Variants in C12orf54 observed in about 807,000 individuals in gnomAD.
The protein encoded by C12orf54 is chromosome 12 open reading frame 54.
C12orf54 carries 24 observed loss-of-function variants against 26.4 expected under a neutral mutation model. The observed-to-expected ratio is 0.91, with a 90% CI of 0.66 to 1.28. The LOEUF is 1.28. Among genes scored for constraint, C12orf54 ranks in the 50% most tolerant of loss-of-function variants. C12orf54 has a pLI of 0.00. For missense variants in C12orf54, 154 were observed against 150.9 expected (o/e 1.02, Z -0.11); for synonymous variants, 54 against 47.0 (o/e 1.15, Z -0.61).
the C12orf54 span, among the ~76,000 whole-genome samples, chr12:48,415,740 A>T: frequency 2.0e-5 from 3 of 151,980 alleles, no homozygotes; most frequent in Non-Finnish European, 4.4e-5. Flanking sequence ...TGAATACTCC[A>T]TACACCCCAT....
the C12orf54 span, among the ~76,000 whole-genome samples, chr12:48,460,378 G>T: frequency 1.3e-5 from 2 of 151,922 alleles, no homozygotes; most frequent in Admixed American, 1.3e-4. Context: ...TAAGGCTTTT[G>T]GAGACATATA....
At chr12:48,439,660 C>T in the C12orf54 span, among the ~76,000 whole-genome samples, 1 of 152,146 alleles carries the variant, frequency 6.6e-6, no homozygotes, top group Non-Finnish European at 1.5e-5. Context: ...AAAAACCAAA[C>T]ACCGCATGTT....
chr12:48,418,246 G>C, the C12orf54 span, among the ~76,000 whole-genome samples: 7 of 152,216 alleles, frequency 4.6e-5, no homozygotes, highest in African/African-American at 1.7e-4. Context: ...GGCAGGAATT[G>C]TAGTGTCTGG....
chr12:48,421,097 A>G, the C12orf54 span, among the ~76,000 whole-genome samples: 1 of 152,120 alleles, frequency 6.6e-6, no homozygotes, highest in Non-Finnish European at 1.5e-5. Flanking sequence ...TCTGTATGTC[A>G]TATTAGTCCA....
At chr12:48,474,571 A>G in the C12orf54 span, among the ~76,000 whole-genome samples, 1 of 152,180 alleles carries the variant, frequency 6.6e-6, no homozygotes, top group African/African-American at 2.4e-5. Flanking sequence ...ATGGGCTTAA[A>G]AAAAGCACAC....
chr12:48,454,951 T>C, the C12orf54 span, among the ~76,000 whole-genome samples: 1 of 152,162 alleles, frequency 6.6e-6, no homozygotes, highest in African/African-American at 2.4e-5. Context: ...TCCTTTTGGG[T>C]TTGTTTTTCC....
At chr12:48,434,596 C>T in the C12orf54 span, among the ~76,000 whole-genome samples, 1 of 152,180 alleles carries the variant, frequency 6.6e-6, no homozygotes. Context: ...GCAGCATTTG[C>T]GGTTCACCAA....
chr12:48,468,911 G>C, the C12orf54 span, among the ~76,000 whole-genome samples: 3 of 151,986 alleles, frequency 2.0e-5, no homozygotes, highest in Non-Finnish European at 2.9e-5. Context: ...ATCACATGTC[G>C]GCAGGTTCCA....
At chr12:48,493,673 T>TAAATAAAATTAATGAAAGTTAATTTTCAA (rs1937843045) in intron 7 of C12orf54, among the ~76,000 whole-genome samples, 1 of 135,700 alleles carries the variant, frequency 7.4e-6, no homozygotes, top group African/African-American at 2.9e-5. Context: ...AAGAAAGTTA[T>TAAATAAAATTAATGAAAGTTAATTTTCAA]AAAGAAAATT....
chr12:48,424,009 T>G, the C12orf54 span, among the ~76,000 whole-genome samples: 6 of 152,138 alleles, frequency 3.9e-5, no homozygotes, highest in African/African-American at 1.4e-4. Context: ...GTTAAGGGTG[T>G]TCTCATCTAT....
At chr12:48,493,278 G>T (rs1030914074) in intron 7 of C12orf54, among the ~76,000 whole-genome samples, 1 of 152,138 alleles carries the variant, frequency 6.6e-6, no homozygotes, top group Non-Finnish European at 1.5e-5. Flanking sequence ...TCAATTGAGG[G>T]AATAAGGGAA....
chr12:48,467,818 C>T, the C12orf54 span, among the ~76,000 whole-genome samples: 1 of 152,040 alleles, frequency 6.6e-6, no homozygotes, highest in Non-Finnish European at 1.5e-5. Flanking sequence ...CAATAAAGTT[C>T]TTGAAAATAT....
chr12:48,445,507 T>C, the C12orf54 span, among the ~76,000 whole-genome samples: 1 of 152,162 alleles, frequency 6.6e-6, no homozygotes, highest in Non-Finnish European at 1.5e-5. Context: ...AGGGTTCTTT[T>C]TGAGTCACAA....
chr12:48,435,067 G>T, the C12orf54 span, among the ~76,000 whole-genome samples: 1 of 152,284 alleles, frequency 6.6e-6, no homozygotes, highest in East Asian at 1.9e-4. Flanking sequence ...AATCCTTAAA[G>T]GACCTGATGG....
the C12orf54 span, among the ~76,000 whole-genome samples, chr12:48,427,495 GT>G: frequency 6.6e-6 from 1 of 151,880 alleles, no homozygotes; most frequent in African/African-American, 2.4e-5. Context: ...TTTGTCAAGG[GT>G]TTTTGCATCA....
At chr12:48,431,056 CA>C in the C12orf54 span, among the ~76,000 whole-genome samples, 163 of 152,230 alleles carry the variant, frequency 1.1e-3, 1 homozygote, top group South Asian at 2.5e-3. Context: ...AATGGAAAAC[CA>C]AACATTGTAT....
At chr12:48,447,794 T>A in the C12orf54 span, among the ~76,000 whole-genome samples, 3 of 152,178 alleles carry the variant, frequency 2.0e-5, no homozygotes, top group Non-Finnish European at 4.4e-5. Context: ...AATAGGGAGA[T>A]TATCTTGGAT....
At chr12:48,491,104 T>C (rs1228789921) in intron 6 of C12orf54, among the ~76,000 whole-genome samples, 1 of 152,234 alleles carries the variant, frequency 6.6e-6, no homozygotes, top group Non-Finnish European at 1.5e-5. Context: ...TCCAGCTCAA[T>C]TGCCTCGTGT....
the C12orf54 span, among the ~76,000 whole-genome samples, chr12:48,433,284 C>A: frequency 2.6e-5 from 4 of 152,262 alleles, no homozygotes; most frequent in South Asian, 8.3e-4. Flanking sequence ...CTAGGCTCAC[C>A]AGGAAGGAAA....
Sources: allele counts gnomAD v4.1 joint callset (sites outside exome capture counted in the v4.1 genomes callset), GRCh38; gene constraint gnomAD v4.1.1; transcripts MANE v1.5; gene names NCBI Gene and HGNC (gene_info 2026-07-23, HGNC 2026-07-21).